Variants in DNAI4 observed in about 807,000 individuals in gnomAD.
The protein encoded by DNAI4 is dynein axonemal intermediate chain 4.
In DNAI4, 85 loss-of-function variants were observed where a neutral mutation model predicts 105.8. The observed-to-expected ratio is 0.80, with a 90% CI of 0.67 to 0.96. The LOEUF (loss-of-function observed/expected upper bound fraction) is 0.96. Among genes scored for constraint, DNAI4 ranks in the 40% least tolerant of loss-of-function variants. The probability of loss-of-function intolerance (pLI) is 0.00; values close to 1 mark genes in which losing one functional copy is unlikely to be tolerated. For synonymous variants in DNAI4, 352 were observed against 331.5 expected, an observed-to-expected ratio of 1.06 and a Z score of -0.67; for missense variants, 1,014 against 1,005.6, an observed-to-expected ratio of 1.01 and a Z score of -0.11.
At chr1:66,856,929 AG>A (rs1557930336) in intron 7 of DNAI4, among the ~76,000 whole-genome samples, 1 of 152,042 alleles carries the variant, frequency 6.6e-6, no homozygotes, top group Non-Finnish European at 1.5e-5. Flanking sequence ...AGGACACTAG[AG>A]AAAGAAAATA....
chr1:66,916,434 T>C (rs1001060114), intron 1 of DNAI4, among the ~76,000 whole-genome samples: 1 of 152,196 alleles, frequency 6.6e-6, no homozygotes, highest in African/African-American at 2.4e-5. Flanking sequence ...ATCTTAACAC[T>C]GACAGCAATT....
At chr1:66,826,685 T>A (rs191383911) in intron 15 of DNAI4, 135 bp downstream of exon 15, 2 of 706,722 alleles carry the variant, frequency 2.8e-6, no homozygotes, top group East Asian at 5.3e-5. Context: ...ATTATCTTTA[T>A]TCATAAAGGA....
chr1:66,836,420 A>G lies in DNAI4; in HGVS notation c.1582-643T>C, dbSNP rs140513677. 1.7e-4 allele frequency among the ~76,000 whole-genome samples: 26 copies of G among 152,126 alleles called. No individual in the cohort carries two copies. In the East Asian group the frequency reaches 4.8e-3, roughly 28 times the overall value. On this transcript the variant is annotated intron_variant, in intron 10 of 16. Transcript: ENST00000371026. The stretch of plus-strand genomic sequence containing the variant: ...TTGGTAATCTTTCAGCAGGATTAGT[A>G]TCACCATCACCTGTCTACCTTCTTA...
At chr1:66,833,246 A>AT (rs1417755233) in intron 13 of DNAI4, among the ~76,000 whole-genome samples, 2 of 152,214 alleles carry the variant, frequency 1.3e-5, no homozygotes, top group Non-Finnish European at 2.9e-5. Flanking sequence ...TATAATTCAC[A>AT]TATCATATAA....
In DNAI4 at chr1:66,833,986, T is replaced by C; in HGVS notation, c.1891+5A>G. On this transcript the variant is annotated splice_donor_5th_base_variant and intron_variant, in intron 12 of 16. Transcript: ENST00000371026. Reference sequence around the variant, plus strand: ...AAGAAAAATATAACTTGATTTTTCTTTTACCATAACAGTCTAGTCCTTTTC... The same window carrying C: ...AAGAAAAATATAACTTGATTTTTCTCTTACCATAACAGTCTAGTCCTTTTC... 1 of 1,574,684 alleles carries C rather than the reference T, an allele frequency of 6.4e-7. No homozygotes were observed. The highest frequency in any genetic ancestry group is 8.6e-7 in the Non-Finnish European group (1 of 1,167,346).
chr1:66,864,137 T>C (rs1473803000), intron 6 of DNAI4, among the ~76,000 whole-genome samples: 1 of 152,216 alleles, frequency 6.6e-6, no homozygotes, highest in African/African-American at 2.4e-5. Flanking sequence ...GGTACTATAG[T>C]TACATTTGTT....
At chr1:66,924,528 G>A (rs1650979730) in intron 1 of DNAI4, 134 bp downstream of exon 1, 6 of 1,188,098 alleles carry the variant, frequency 5.1e-6, no homozygotes, top group Non-Finnish European at 7.2e-6. Flanking sequence ...TTGTGGCCTA[G>A]GAGCTTCAAG....
At position 66,837,771 on chromosome 1, in the gene DNAI4, T is replaced by A; in HGVS notation, c.1520A>T (p.His507Leu). Residue 507 changes from histidine to leucine, a missense_variant, in exon 10 of 17, where the codon CAC (histidine) becomes CTC (leucine). Physicochemically the swap from His to Leu is moderately conservative, Grantham distance 99. Coordinates refer to ENST00000371026, the MANE Select transcript of DNAI4 (RefSeq NM_024763.5). ...NPDLLAVGYG[H>L]FGFKEQKRGL... ...TCTTTTTTGCTCTTTAAATCCAAAGTGCCCATAGCCAACAGCCAAAAGATC... is the reference window on the plus strand; with the variant it reads ...TCTTTTTTGCTCTTTAAATCCAAAGAGCCCATAGCCAACAGCCAAAAGATC... 1.2e-6 allele frequency: 2 copies of A among 1,607,550 alleles called. No homozygotes were observed. The highest frequency in any genetic ancestry group is 1.7e-6 in the Non-Finnish European group (2 of 1,178,142).
chr1:66,819,174 A>C (rs1645576146), intron 16 of DNAI4, among the ~76,000 whole-genome samples: 1 of 152,168 alleles, frequency 6.6e-6, no homozygotes, highest in African/African-American at 2.4e-5. Context: ...TCAACTTATT[A>C]GTTCCTTAAG....
chr1:66,866,265 C>T (rs1296802966), intron 6 of DNAI4, among the ~76,000 whole-genome samples: 2 of 151,568 alleles, frequency 1.3e-5, no homozygotes, highest in Admixed American at 1.3e-4. Context: ...TGAGATTGCA[C>T]CATGGCACTC....
Position 66,882,304 on chromosome 1 carries a change from CA to C in DNAI4, c.644-7368del, listed in dbSNP as rs1426178100. Among the ~76,000 whole-genome samples the C allele has an allele frequency of 4.6e-5, 7 of 152,278 alleles. No homozygotes were observed. The South Asian group carries it at 1.2e-3, about 27-fold the overall frequency. ...TCACTTAACATTTTATTTCACAAAG[CA>C]AAAATTTTTAAAAAGTCCAATTCTA... On this transcript the variant is annotated intron_variant, in intron 4 of 16. Coordinates refer to ENST00000371026, the MANE Select transcript of DNAI4 (RefSeq NM_024763.5).
intron 10 of DNAI4, among the ~76,000 whole-genome samples, chr1:66,836,223 A>T: frequency 6.7e-6 from 1 of 148,648 alleles, no homozygotes; most frequent in Non-Finnish European, 1.5e-5. Flanking sequence ...AGAGAGAGAG[A>T]GAGAGAGAGA....
At chr1:66,834,775 C>A (rs1048315086) in intron 11 of DNAI4, among the ~76,000 whole-genome samples, 3 of 152,052 alleles carry the variant, frequency 2.0e-5, no homozygotes, top group African/African-American at 7.2e-5. Context: ...TACAAACCCT[C>A]CAATGAAATC....
intron 5 of DNAI4, among the ~76,000 whole-genome samples, chr1:66,874,396 C>T (rs1258219438): frequency 1.3e-5 from 2 of 151,906 alleles, no homozygotes; most frequent in Non-Finnish European, 2.9e-5. Context: ...TGCGGTTTGG[C>T]TATTACTATA....
chr1:66,822,251 T>C (rs1645645260), intron 16 of DNAI4, 110 bp downstream of exon 16: 1 of 1,028,950 alleles, frequency 9.7e-7, no homozygotes, highest in South Asian at 2.7e-5. Flanking sequence ...TTATGTTCTT[T>C]TATTATATTA....
In DNAI4 at chr1:66,822,484, A is replaced by G. The variant is rs994435713; in HGVS notation, c.2373T>C (p.Pro791=). 1.2e-6 allele frequency: 2 copies of G among 1,611,166 alleles called. No homozygotes were observed. The highest frequency in any genetic ancestry group is 1.3e-5 in the African/African-American group (1 of 74,866). Residue 791 remains proline, a synonymous_variant, in exon 16 of 17, where the codon CCT becomes CCC. Coordinates refer to ENST00000371026, the MANE Select transcript of DNAI4 (RefSeq NM_024763.5). ...LDPLIVNTAN[P]GIKFTTILFA... is the part of the protein sequence containing the mutation. The stretch of plus-strand genomic sequence containing the variant: ...AGAGAATGGTTGTGAACTTGATTCC[A>G]GGGTTAGCAGTATTCACAATCAGAG...
intron 1 of DNAI4, among the ~76,000 whole-genome samples, chr1:66,910,274 T>C (rs765734646): frequency 1.3e-4 from 20 of 152,130 alleles, no homozygotes; most frequent in Non-Finnish European, 2.5e-4. Context: ...ATATGACTAC[T>C]CGAAATCCTT....
In DNAI4 at chr1:66,823,357, C is replaced by T. The variant is rs201559397; in HGVS notation, c.2340-840G>A. Among the ~76,000 whole-genome samples the T allele has an allele frequency of 2.6e-4, 40 of 151,922 alleles. 1 individual carries two copies. The South Asian group carries it at 6.1e-3, about 23-fold the overall frequency. ...AAGTCTTTGCTATTGTGAATAATGC[C>T]GCAATAAACATGCGTGTGCATGTGT... On this transcript the variant is annotated intron_variant, in intron 15 of 16. Coordinates refer to ENST00000371026, the MANE Select transcript of DNAI4 (RefSeq NM_024763.5).
In DNAI4 at chr1:66,890,866, G is replaced by GGAAGAGGAAGAA; in HGVS notation, c.643+287_643+288insTTCTTCCTCTTC. 1 of 419,942 alleles carries GGAAGAGGAAGAA rather than the reference G, an allele frequency of 2.4e-6. No individual in the cohort carries two copies. The highest frequency in any genetic ancestry group is 4.3e-6 in the Non-Finnish European group (1 of 232,380). The allele number at this position is 419,942 out of a possible 1,614,324, so 26.0% of individuals were successfully genotyped here. ...AGGAAGAGGAAGAAGAAGAGGAAGA[G>GGAAGAGGAAGAA]GAAGAAGAAGAAGAAGAAGCAGAAG... On this transcript the variant is annotated intron_variant, in intron 4 of 16. Coordinates refer to ENST00000371026, the MANE Select transcript of DNAI4 (RefSeq NM_024763.5). This position sits in a 1 kb window ranked among gnomAD's most constrained non-coding sequence, Gnocchi z 4.1.
Sources: gnomAD v4.1 joint callset for allele counts (sites outside exome capture counted in the v4.1 genomes callset) on GRCh38, gnomAD v4.1.1 for gene constraint, Gnocchi (gnomAD v3.1) non-coding constraint, MANE v1.5 for transcripts, NCBI Gene and HGNC (gene_info 2026-07-23, HGNC 2026-07-21) for gene names.